The following CACNA2D3 variants were observed in gnomAD, a reference collection of about 807,000 sequenced individuals.
CACNA2D3 encodes calcium voltage-gated channel auxiliary subunit alpha2delta 3.
In CACNA2D3, 60 loss-of-function variants were observed where a neutral mutation model predicts 160.6. That is an observed-to-expected ratio of 0.37 (90% CI 0.30 to 0.46). The LOEUF (loss-of-function observed/expected upper bound fraction) is 0.46. Among genes scored for constraint, CACNA2D3 ranks in the 20% least tolerant of loss-of-function variants. The probability of loss-of-function intolerance (pLI) is 1.00; values close to 1 mark genes in which losing one functional copy is unlikely to be tolerated. For missense variants in CACNA2D3, 1,205 were observed against 1,365.0 expected (o/e 0.88, Z 1.85); for synonymous variants, 558 against 492.9 (o/e 1.13, Z -1.75).
intron 34 of CACNA2D3, among the ~76,000 whole-genome samples, chr3:55,014,298 C>T (rs1703278747): frequency 6.6e-6 from 1 of 152,040 alleles, no homozygotes; most frequent in Admixed American, 6.6e-5. Flanking sequence ...TCTGTGGGAC[C>T]CACGGCAGGC....
At chr3:55,071,105 T>C (rs1397202650) in intron 35 of CACNA2D3, among the ~76,000 whole-genome samples, 1 of 152,148 alleles carries the variant, frequency 6.6e-6, no homozygotes, top group Non-Finnish European at 1.5e-5. Flanking sequence ...TATGAACTCT[T>C]ATTTACTATA....
chr3:54,325,593 C>T (rs1477451006), intron 3 of CACNA2D3, among the ~76,000 whole-genome samples: 1 of 152,162 alleles, frequency 6.6e-6, no homozygotes, highest in East Asian at 1.9e-4. Flanking sequence ...ATGCAGACTT[C>T]AGACCTCCAC....
At chr3:54,761,873 T>G (rs780203612) in intron 12 of CACNA2D3, among the ~76,000 whole-genome samples, 1 of 152,150 alleles carries the variant, frequency 6.6e-6, no homozygotes, top group African/African-American at 2.4e-5. Flanking sequence ...GGCCTTTGTT[T>G]GGAAATCCTC....
chr3:54,293,657 A>G (rs934168523), intron 2 of CACNA2D3, among the ~76,000 whole-genome samples: 1 of 152,200 alleles, frequency 6.6e-6, no homozygotes, highest in African/African-American at 2.4e-5. Flanking sequence ...ACACCCACAG[A>G]TGAATCGCGA....
chr3:54,247,803 G>C (rs1217751377), intron 2 of CACNA2D3, among the ~76,000 whole-genome samples: 1 of 152,122 alleles, frequency 6.6e-6, no homozygotes, highest in South Asian at 2.1e-4. Context: ...TCACATCTGA[G>C]AATAGTGACC....
At chr3:54,921,239 G>A (rs977649495) in intron 27 of CACNA2D3, among the ~76,000 whole-genome samples, 5 of 152,058 alleles carry the variant, frequency 3.3e-5, no homozygotes, top group African/African-American at 9.7e-5. Flanking sequence ...TGAACATTAC[G>A]TAGCTGTGCA....
At chr3:54,739,688 G>A (rs1029489940) in intron 11 of CACNA2D3, among the ~76,000 whole-genome samples, 2 of 151,666 alleles carry the variant, frequency 1.3e-5, no homozygotes, top group Non-Finnish European at 2.9e-5. Flanking sequence ...GGGAAACCAA[G>A]CTCTTTGTGG....
chr3:54,290,762 A>G (rs977962373), intron 2 of CACNA2D3, among the ~76,000 whole-genome samples: 5 of 152,078 alleles, frequency 3.3e-5, no homozygotes, highest in Non-Finnish European at 4.4e-5. Context: ...CTTTGTAGGG[A>G]CATGGATGAA....
At chr3:54,187,001 G>A (rs1175834897) in intron 2 of CACNA2D3, among the ~76,000 whole-genome samples, 1 of 152,208 alleles carries the variant, frequency 6.6e-6, no homozygotes, top group Admixed American at 6.5e-5. Context: ...ATCTACAAGA[G>A]ACACTGTGAC....
intron 5 of CACNA2D3, among the ~76,000 whole-genome samples, chr3:54,530,199 A>G (rs2106639603): frequency 6.6e-6 from 1 of 152,288 alleles, no homozygotes; most frequent in Non-Finnish European, 1.5e-5. Context: ...TATGGGTCCC[A>G]TCCATGCTAC....
intron 7 of CACNA2D3, 44 bp downstream of exon 7, chr3:54,569,899 C>T (rs956246816): frequency 3.1e-6 from 5 of 1,612,724 alleles, no homozygotes; most frequent in African/African-American, 1.3e-5. Context: ...AAAGAGATAT[C>T]TTGAAGAGAA....
chr3:54,246,650 G>A (rs1317604985), intron 2 of CACNA2D3, among the ~76,000 whole-genome samples: 2 of 151,926 alleles, frequency 1.3e-5, no homozygotes, highest in African/African-American at 4.8e-5. Flanking sequence ...CTTGAACCTG[G>A]GAGACGGAGG....
At chr3:54,407,521 TATAA>T (rs920495689) in intron 4 of CACNA2D3, among the ~76,000 whole-genome samples, 39 of 152,290 alleles carry the variant, frequency 2.6e-4, no homozygotes, top group African/African-American at 8.9e-4. Context: ...AAGACTGATG[TATAA>T]ATAGTTTCCA....
chr3:54,555,863 T>C (rs1454246253), intron 5 of CACNA2D3, among the ~76,000 whole-genome samples: 2 of 152,190 alleles, frequency 1.3e-5, no homozygotes, highest in African/African-American at 4.8e-5. Flanking sequence ...TACATACACT[T>C]GACATTCAGC....
intron 3 of CACNA2D3, among the ~76,000 whole-genome samples, chr3:54,329,247 C>G (rs918616477): frequency 1.6e-4 from 25 of 151,878 alleles, no homozygotes; most frequent in South Asian, 8.3e-4. Context: ...TTTTCTTGTC[C>G]CAACTTGCCT....
intron 30 of CACNA2D3, among the ~76,000 whole-genome samples, chr3:54,986,129 T>G (rs1049474169): frequency 3.3e-5 from 5 of 152,090 alleles, no homozygotes; most frequent in African/African-American, 1.2e-4. Context: ...GCTCTACTCA[T>G]GTAGGGGTGA....
chr3:54,364,364 A>G (rs768066036), intron 3 of CACNA2D3, among the ~76,000 whole-genome samples: 8 of 152,246 alleles, frequency 5.3e-5, no homozygotes, highest in Non-Finnish European at 2.9e-5. Flanking sequence ...CTTGAGCAAT[A>G]TCTAATTATT....
intron 11 of CACNA2D3, among the ~76,000 whole-genome samples, chr3:54,717,672 GGT>G (rs146609285): frequency 0.24 from 34,487 of 144,196 alleles, 4,053 homozygotes; most frequent in Admixed American, 0.3. Context: ...ATGCATGTGT[GGT>G]GTGTGTGGTG....
At chr3:54,401,862 G>C (rs1228265521) in intron 4 of CACNA2D3, among the ~76,000 whole-genome samples, 1 of 152,126 alleles carries the variant, frequency 6.6e-6, no homozygotes, top group African/African-American at 2.4e-5. Context: ...TTGTTGATAT[G>C]ATACTCTGTA....
Sources: gnomAD v4.1 joint callset for allele counts (sites outside exome capture counted in the v4.1 genomes callset) on GRCh38, gnomAD v4.1.1 for gene constraint, MANE v1.5 for transcripts, NCBI Gene and HGNC (gene_info 2026-07-23, HGNC 2026-07-21) for gene names.